Variants in RALYL observed in about 807,000 individuals in gnomAD.
RALYL encodes the protein RALY RNA binding protein like.
In RALYL, 29 loss-of-function variants were observed where a neutral mutation model predicts 35.1. The ratio of observed to expected loss-of-function variants is 0.83; its 90% CI spans 0.61 to 1.13. The LOEUF (loss-of-function observed/expected upper bound fraction) is 1.13. Among genes scored for constraint, RALYL ranks in the 50% most tolerant of loss-of-function variants. The probability of loss-of-function intolerance (pLI) is 0.00; values close to 1 mark genes in which losing one functional copy is unlikely to be tolerated. For synonymous variants in RALYL, 120 were observed against 127.6 expected (o/e 0.94, Z 0.40); for missense variants, 359 against 360.4 (o/e 1.00, Z 0.03).
intron 7 of RALYL, among the ~76,000 whole-genome samples, chr8:84,882,401 T>C (rs1254283487): frequency 6.6e-6 from 1 of 151,982 alleles, no homozygotes; most frequent in African/African-American, 2.4e-5. Context: ...TCCCAGAAAA[T>C]TTCAGACCTC....
intron 8 of RALYL, among the ~76,000 whole-genome samples, chr8:84,912,484 C>T (rs990420759): frequency 6.6e-6 from 1 of 152,058 alleles, no homozygotes; most frequent in African/African-American, 2.4e-5. Flanking sequence ...GTTATGTGCA[C>T]ATATGCAAGT....
intron 1 of RALYL, among the ~76,000 whole-genome samples, chr8:84,458,648 C>T (rs1009107231): frequency 3.3e-5 from 5 of 151,534 alleles, no homozygotes; most frequent in African/African-American, 4.8e-5. Context: ...ATATTTCAGT[C>T]TTATAAAAAG....
chr8:84,792,789 T>C (rs982373185), intron 3 of RALYL, among the ~76,000 whole-genome samples: 5 of 152,196 alleles, frequency 3.3e-5, no homozygotes, highest in Non-Finnish European at 7.3e-5. Flanking sequence ...AGAGTTTGTA[T>C]ATGATGACTG....
chr8:84,193,645 G>A (rs1011543660), intron 1 of RALYL, among the ~76,000 whole-genome samples: 4 of 152,184 alleles, frequency 2.6e-5, no homozygotes, highest in African/African-American at 9.7e-5. Flanking sequence ...CTGGTATGGA[G>A]ATAGGAGCTA....
intron 1 of RALYL, among the ~76,000 whole-genome samples, chr8:84,274,803 C>T (rs1429974509): frequency 6.6e-6 from 1 of 152,096 alleles, no homozygotes; most frequent in African/African-American, 2.4e-5. Context: ...AGAACTCTGC[C>T]AAAACTCTGT....
intron 2 of RALYL, among the ~76,000 whole-genome samples, chr8:84,715,605 T>G (rs1842843895): frequency 6.6e-6 from 1 of 152,084 alleles, no homozygotes; most frequent in Non-Finnish European, 1.5e-5. Flanking sequence ...TGTATTTGTC[T>G]CATATGCTAT....
At chr8:84,815,727 T>C (rs1207531832) in intron 4 of RALYL, among the ~76,000 whole-genome samples, 2 of 151,864 alleles carry the variant, frequency 1.3e-5, no homozygotes, top group African/African-American at 4.8e-5. Flanking sequence ...AAAACAGGCA[T>C]CAAGTTTGCA....
Position 84,312,155 on chromosome 8 carries a change from A to G in RALYL, c.-24+127731A>G, listed in dbSNP as rs145763591. Among the ~76,000 whole-genome samples, 1,178 of 152,242 alleles carry G rather than the reference A, an allele frequency of 7.7e-3. 20 individuals carry two copies. The highest frequency in any genetic ancestry group is 0.027 in the African/African-American group (1,133 of 41,538). On this transcript the variant is annotated intron_variant, in intron 1 of 8. Transcript: ENST00000521268. ...AGCAAGGGCAGGGGAAATGCCTGAC[A>G]TGTACCAAACAAGCAGATCCTGCAA... is the stretch of plus-strand genomic sequence containing the variant.
At chr8:84,868,952 A>T (rs1323577193) in intron 6 of RALYL, among the ~76,000 whole-genome samples, 1 of 152,026 alleles carries the variant, frequency 6.6e-6, no homozygotes, top group Non-Finnish European at 1.5e-5. Context: ...GTATTATGTT[A>T]CAAGGGTATC....
intron 2 of RALYL, among the ~76,000 whole-genome samples, chr8:84,724,412 T>C (rs1844565972): frequency 6.6e-6 from 1 of 151,830 alleles, no homozygotes; most frequent in Non-Finnish European, 1.5e-5. Flanking sequence ...CATAGAGGAA[T>C]CTTTGTTAAA....
intron 1 of RALYL, among the ~76,000 whole-genome samples, chr8:84,311,088 A>ATATAT (rs1305392952): frequency 7.9e-6 from 1 of 126,198 alleles, no homozygotes; most frequent in Non-Finnish European, 1.7e-5. Flanking sequence ...AAAAAAAAAA[A>ATATAT]AAATGTATAT....
intron 2 of RALYL, among the ~76,000 whole-genome samples, chr8:84,538,300 C>A (rs945703929): frequency 6.6e-6 from 1 of 152,106 alleles, no homozygotes; most frequent in Non-Finnish European, 1.5e-5. Flanking sequence ...AACTTCTGAG[C>A]AACATTTAAA....
At chr8:84,549,532 A>G (rs1411265626) in intron 2 of RALYL, among the ~76,000 whole-genome samples, 1 of 152,200 alleles carries the variant, frequency 6.6e-6, no homozygotes, top group Admixed American at 6.5e-5. Context: ...TGAACAGAGA[A>G]AACTCCTTCA....
At chr8:84,908,765 C>T (rs1846978192) in intron 8 of RALYL, among the ~76,000 whole-genome samples, 1 of 152,004 alleles carries the variant, frequency 6.6e-6, no homozygotes, top group Admixed American at 6.6e-5. Flanking sequence ...TCCCCAAAAC[C>T]CCCGGGAAAT....
chr8:84,480,757 C>G (rs1010743526), intron 1 of RALYL, among the ~76,000 whole-genome samples: 1 of 152,050 alleles, frequency 6.6e-6, no homozygotes, highest in Non-Finnish European at 1.5e-5. Context: ...GCAGAGATGA[C>G]TTTTATATCT....
rs181022095 is a variant in RALYL at position 84,606,406 on chromosome 8, A to G, written c.256+76829A>G. ...ATCCTTAATGTTAGTCTTTGGTTTC[A>G]TGTGTGTCTGCAGAATTGGGAGACA... On this transcript the variant is annotated intron_variant, in intron 2 of 8. Coordinates refer to ENST00000521268, the MANE Select transcript of RALYL (RefSeq NM_173848.7). Among the ~76,000 whole-genome samples, 379 of 152,246 alleles carry G rather than the reference A, an allele frequency of 2.5e-3. 1 individual carries two copies. The highest frequency in any genetic ancestry group is 6.8e-3 in the Middle Eastern group (2 of 294).
At chr8:84,413,370 AAGTAGGTGTT>A (rs1563877997) in intron 1 of RALYL, among the ~76,000 whole-genome samples, 1 of 151,646 alleles carries the variant, frequency 6.6e-6, no homozygotes, top group Non-Finnish European at 1.5e-5. Flanking sequence ...ATTTGGGAAA[AAGTAGGTGTT>A]AGTCCAGCTA....
intron 1 of RALYL, among the ~76,000 whole-genome samples, chr8:84,390,676 A>T (rs533848108): frequency 6.6e-6 from 1 of 151,996 alleles, no homozygotes; most frequent in South Asian, 2.1e-4. Context: ...TTTCTGTGGG[A>T]TCAGTGGTGA....
At chr8:84,301,580 A>G (rs191239538) in intron 1 of RALYL, among the ~76,000 whole-genome samples, 209 of 152,226 alleles carry the variant, frequency 1.4e-3, no homozygotes, top group African/African-American at 4.6e-3. Flanking sequence ...TTAATAATCA[A>G]TGGGAGAATT....
Sources: allele counts gnomAD v4.1 joint callset (sites outside exome capture counted in the v4.1 genomes callset), GRCh38; gene constraint gnomAD v4.1.1; transcripts MANE v1.5; gene names NCBI Gene and HGNC (gene_info 2026-07-23, HGNC 2026-07-21).